The following TFEB variants were observed in gnomAD, a reference collection of about 807,000 sequenced individuals.
TFEB encodes the protein T-cell transcription factor EB.
Under a neutral mutation model 48.0 loss-of-function variants are expected in TFEB, and 12 were observed. That is an observed-to-expected ratio of 0.25 (90% CI 0.16 to 0.40). The LOEUF is 0.40. TFEB is among the 10% of genes least tolerant of loss of function. The pLI is 1.00. For missense variants in TFEB, 509 were observed against 640.3 expected, an observed-to-expected ratio of 0.79 and a Z score of 2.21; for synonymous variants, 244 against 261.4, an observed-to-expected ratio of 0.93 and a Z score of 0.64.
chr6:41,713,445 G>A (rs17794619), intron 1 of TFEB, among the ~76,000 whole-genome samples: 16,095 of 152,190 alleles, frequency 0.11, 1,107 homozygotes, highest in Admixed American at 0.19. Flanking sequence ...CCGTCTGGCC[G>A]CAGGATTCAG....
intron 1 of TFEB, among the ~76,000 whole-genome samples, chr6:41,708,445 G>T (rs1193074480): frequency 1.3e-5 from 2 of 152,212 alleles, no homozygotes; most frequent in African/African-American, 4.8e-5. Flanking sequence ...CTGAACCAAT[G>T]AAGTTAGCTC....
chr6:41,706,815 A>G (rs377263199), intron 1 of TFEB, among the ~76,000 whole-genome samples: 2 of 133,394 alleles, frequency 1.5e-5, no homozygotes, highest in African/African-American at 2.8e-5. Flanking sequence ...ACCTGCCCCC[A>G]TCTCCCCCCG....
At position 41,684,333 on chromosome 6, in the gene TFEB, C is replaced by T; in HGVS notation, c.*266G>A. The T allele has an allele frequency of 2.6e-6, 1 of 384,668 alleles. No homozygotes were observed. The highest frequency in any genetic ancestry group is 4.6e-6 in the Non-Finnish European group (1 of 216,950). 23.8% of individuals were successfully genotyped at this position (384,668 alleles called of 1,614,324 possible). ...TTCTCACCTCTAGAACACCCTGCCC[C>T]TCCCTGCCCCGCGATTCCATCTCCG... On this transcript the variant is annotated 3_prime_UTR_variant, in exon 9 of 9. Transcript: ENST00000373033.
At chr6:41,695,776 A>G (rs1769545451) in intron 1 of TFEB, among the ~76,000 whole-genome samples, 1 of 152,184 alleles carries the variant, frequency 6.6e-6, no homozygotes, top group Non-Finnish European at 1.5e-5. Flanking sequence ...CAGCTCTTAC[A>G]GTGGGAATAT....
chr6:41,688,205 T>G, intron 4 of TFEB, 177 bp from the exon 5 acceptor site: 1 of 686,242 alleles, frequency 1.5e-6, no homozygotes, highest in Non-Finnish European at 2.3e-6. Context: ...AGAGCTATTA[T>G]AAGATGTAGT....
chr6:41,711,688 C>T (rs1163503396), intron 1 of TFEB, among the ~76,000 whole-genome samples: 1 of 152,206 alleles, frequency 6.6e-6, no homozygotes, highest in Non-Finnish European at 1.5e-5. Flanking sequence ...AGGAGCCCTT[C>T]AGCTCCCCCA....
intron 1 of TFEB, 84 bp downstream of exon 1, chr6:41,735,266 C>T (rs949736783): frequency 6.1e-6 from 6 of 975,936 alleles, no homozygotes; most frequent in South Asian, 4.7e-5. Flanking sequence ...CACCTGTCTC[C>T]GGGACCCACG....
At chr6:41,685,294 G>A (rs879280092) in intron 8 of TFEB, among the ~76,000 whole-genome samples, 6 of 152,230 alleles carry the variant, frequency 3.9e-5, no homozygotes, top group East Asian at 1.9e-4. Context: ...TGAAGCCACC[G>A]TAGTGAGTCT....
At chr6:41,695,250 G>A (rs373615537) in intron 1 of TFEB, among the ~76,000 whole-genome samples, 7 of 152,270 alleles carry the variant, frequency 4.6e-5, no homozygotes, top group South Asian at 2.1e-4. Context: ...CAGGGATCCC[G>A]GTCTCCTCTG....
chr6:41,707,168 T>C (rs1050285025), intron 1 of TFEB, among the ~76,000 whole-genome samples: 1 of 152,136 alleles, frequency 6.6e-6, no homozygotes, highest in Non-Finnish European at 1.5e-5. Context: ...ACCTGAGACA[T>C]AAACCCCATC....
At position 41,730,600 on chromosome 6, in the gene TFEB, C is replaced by A. The variant is rs940976709; in HGVS notation, c.-23+4750G>T. ...AAGCTGGTGATGACCCTGCCTGTTG[C>A]CTCTGCTCCTCTTGGCTCTCACCCA... On this transcript the variant is annotated intron_variant, in intron 1 of 8. Transcript: ENST00000373033. This position sits in a 1 kb window ranked among gnomAD's most constrained non-coding sequence, Gnocchi z 4.1. 9.2e-5 allele frequency among the ~76,000 whole-genome samples: 14 copies of A among 152,348 alleles called. No individual in the cohort carries two copies. Among genetic ancestry groups the A allele is most frequent in the Admixed American group, 9.2e-4 (14 of 15,300 alleles).
intron 1 of TFEB, among the ~76,000 whole-genome samples, chr6:41,727,127 C>T (rs902521949): frequency 5.9e-5 from 9 of 152,188 alleles, no homozygotes; most frequent in Non-Finnish European, 1.0e-4. Flanking sequence ...TTGCGTCAGG[C>T]TGGGCACCTT....
intron 1 of TFEB, among the ~76,000 whole-genome samples, chr6:41,721,337 C>T (rs796719549): frequency 1.3e-5 from 2 of 151,596 alleles, no homozygotes; most frequent in African/African-American, 4.9e-5. Context: ...CCATGGCTCA[C>T]AGAAAAATAT....
intron 3 of TFEB, 139 bp from the exon 4 acceptor site, chr6:41,689,950 GC>G: frequency 1.6e-6 from 1 of 634,850 alleles, no homozygotes; most frequent in Non-Finnish European, 2.8e-6. Context: ...GAGGAAATAG[GC>G]CCAGAGAAGA....
At chr6:41,718,848 GA>G (rs1426230315) in intron 1 of TFEB, among the ~76,000 whole-genome samples, 2 of 152,114 alleles carry the variant, frequency 1.3e-5, no homozygotes, top group African/African-American at 4.8e-5. Flanking sequence ...AATCCGTTGG[GA>G]CCTGCGGTTG....
chr6:41,689,613 A>G, intron 4 of TFEB, 118 bp downstream of exon 4: 1 of 747,182 alleles, frequency 1.3e-6, no homozygotes, highest in Non-Finnish European at 2.3e-6. Flanking sequence ...ATCTCTACAG[A>G]AACATGCCAG....
intron 1 of TFEB, among the ~76,000 whole-genome samples, chr6:41,726,025 C>T (rs1771193077): frequency 3.3e-5 from 5 of 152,218 alleles, no homozygotes; most frequent in Admixed American, 3.3e-4. Flanking sequence ...AGGAGAATCG[C>T]TTGAGCTGGG....
Position 41,730,414 on chromosome 6 carries a change from T to C in TFEB, c.-23+4936A>G, listed in dbSNP as rs1771403501. 6.6e-6 allele frequency among the ~76,000 whole-genome samples: 1 copy of C among 152,210 alleles called. No individual in the cohort carries two copies. The highest frequency in any genetic ancestry group is 2.4e-5 in the African/African-American group (1 of 41,462). On this transcript the variant is annotated intron_variant, in intron 1 of 8. Transcript: ENST00000373033. The surrounding 1 kb of genome is among the most constrained non-coding windows in gnomAD (Gnocchi z 4.1). ...GCACCGCATCTTACTCTGGGACCAC[T>C]GCTGAATGCATAAGAGCCAACCAGG...
chr6:41,690,652 T>A lies in TFEB; in HGVS notation c.468+11A>T, dbSNP rs1434535774. 1 of 1,511,486 alleles carries A rather than the reference T, an allele frequency of 6.6e-7. No individual in the cohort carries two copies. Among genetic ancestry groups the A allele is most frequent in the African/African-American group, 1.4e-5 (1 of 72,232 alleles). 93.6% of individuals were successfully genotyped at this position (1,511,486 alleles called of 1,614,324 possible). ...GCAAGCAGCATGGCCACTGGCCAGC[T>A]CCTCACTCACCTCCCTCTCAGGGTT... is the stretch of plus-strand genomic sequence containing the variant. On this transcript the variant is annotated intron_variant, in intron 3 of 8. Coordinates refer to ENST00000373033, the MANE Select transcript of TFEB (RefSeq NM_001271944.2).
Sources: gnomAD v4.1 joint callset for allele counts (sites outside exome capture counted in the v4.1 genomes callset) on GRCh38, gnomAD v4.1.1 for gene constraint, Gnocchi (gnomAD v3.1) non-coding constraint, MANE v1.5 for transcripts, NCBI Gene and HGNC (gene_info 2026-07-23, HGNC 2026-07-21) for gene names.